The following CNTNAP3B variants were observed in gnomAD, a reference collection of about 807,000 sequenced individuals.
CNTNAP3B encodes the protein contactin associated protein family member 3B.
A neutral mutation model predicts 108.9 loss-of-function variants in CNTNAP3B; 25 were observed. That is an observed-to-expected ratio of 0.23 (90% CI 0.17 to 0.32). CNTNAP3B has a LOEUF of 0.32. Among genes scored for constraint, CNTNAP3B ranks in the 10% least tolerant of loss-of-function variants. The pLI is 1.00. For missense variants in CNTNAP3B, 252 were observed against 1,210.4 expected, an observed-to-expected ratio of 0.21 and a Z score of 11.75; for synonymous variants, 103 against 473.4, an observed-to-expected ratio of 0.22 and a Z score of 10.16.
chr9:42,016,697 G>A (rs1826221722), intron 3 of CNTNAP3B, among the ~76,000 whole-genome samples: 1 of 151,954 alleles, frequency 6.6e-6, no homozygotes, highest in Admixed American at 6.5e-5. Context: ...GCTCTGTGGA[G>A]AGTGAGAGTA....
chr9:42,113,072 A>G (rs1828229541), intron 1 of CNTNAP3B, among the ~76,000 whole-genome samples: 1 of 135,770 alleles, frequency 7.4e-6, no homozygotes, highest in African/African-American at 3.0e-5. Context: ...CATAAATTTA[A>G]GCATCTTAGT....
At chr9:42,055,539 A>G (rs1283666771) in intron 3 of CNTNAP3B, among the ~76,000 whole-genome samples, 1 of 138,768 alleles carries the variant, frequency 7.2e-6, no homozygotes, top group Non-Finnish European at 1.5e-5. Flanking sequence ...ATATGCATAT[A>G]TTACACTATG....
rs868137195 is a variant in CNTNAP3B at position 42,054,487 on chromosome 9, C to A, written c.390+22382G>T. Among the ~76,000 whole-genome samples, 21 of 151,862 alleles carry A rather than the reference C, an allele frequency of 1.4e-4. No individual in the cohort carries two copies. The East Asian group carries it at 2.3e-3, about 17-fold the overall frequency. On this transcript the variant is annotated intron_variant, in intron 3 of 23. Transcript: ENST00000377561. Reference sequence around the variant, plus strand: ...CCACATCCACCCTGCATTTTGTAATCGAAGGTGAGGAAGCTCACAGGTGTT... The same window carrying A: ...CCACATCCACCCTGCATTTTGTAATAGAAGGTGAGGAAGCTCACAGGTGTT...
intron 3 of CNTNAP3B, among the ~76,000 whole-genome samples, chr9:42,030,813 G>GGAGAGAGAGA (rs71274672): frequency 0.089 from 5,818 of 65,474 alleles, 808 homozygotes; most frequent in Non-Finnish European, 0.11. Flanking sequence ...GAGAGAGAGA[G>GGAGAGAGAGA]GAGAGAGAGA....
intron 3 of CNTNAP3B, among the ~76,000 whole-genome samples, chr9:42,047,782 T>C (rs1159070991): frequency 8.8e-5 from 10 of 114,008 alleles, no homozygotes; most frequent in South Asian, 3.0e-4. Flanking sequence ...CTCCCTCTCT[T>C]GGTTGGTTCT....
chr9:42,086,243 A>T, intron 2 of CNTNAP3B, among the ~76,000 whole-genome samples: 1 of 141,684 alleles, frequency 7.1e-6, no homozygotes, highest in Non-Finnish European at 1.5e-5. Flanking sequence ...TATGGGGGAA[A>T]CCGCCCCCAT....
chr9:42,087,577 A>G (rs1178028309), intron 2 of CNTNAP3B, among the ~76,000 whole-genome samples: 1 of 144,970 alleles, frequency 6.9e-6, no homozygotes, highest in African/African-American at 2.6e-5. Context: ...ACAGATACAA[A>G]TATGCTGAAA....
At chr9:42,084,066 T>C (rs1257970430) in intron 2 of CNTNAP3B, among the ~76,000 whole-genome samples, 1 of 148,354 alleles carries the variant, frequency 6.7e-6, no homozygotes, top group Non-Finnish European at 1.5e-5. Flanking sequence ...TCACAGAAAA[T>C]ATCAGAAAGA....
chr9:42,030,130 C>A (rs1352083938), intron 3 of CNTNAP3B, among the ~76,000 whole-genome samples: 1 of 83,598 alleles, frequency 1.2e-5, no homozygotes, highest in Non-Finnish European at 2.2e-5. Context: ...GGCGACAGAG[C>A]GAGACTCTGT....
chr9:41,961,351 GTAA>G (rs1424637487), intron 11 of CNTNAP3B, among the ~76,000 whole-genome samples: 1 of 152,308 alleles, frequency 6.6e-6, no homozygotes, highest in African/African-American at 2.4e-5. Flanking sequence ...GAAGCACAGT[GTAA>G]AACACTTGAA....
rs1433837005 is a variant in CNTNAP3B at position 42,042,234 on chromosome 9, A to AT, written c.391-28710_391-28709insA. Reference sequence around the variant, plus strand: ...GTACCCTAGAACTTGAAGTATATATAAAAAAAAGATCTGCATAGTTTTGGA... The same window carrying AT: ...GTACCCTAGAACTTGAAGTATATATATAAAAAAAGATCTGCATAGTTTTGGA... On this transcript the variant is annotated intron_variant, in intron 3 of 23. Coordinates refer to ENST00000377561, the MANE Select transcript of CNTNAP3B (RefSeq NM_001201380.3). 4.7e-5 allele frequency among the ~76,000 whole-genome samples: 4 copies of AT among 84,756 alleles called. 2 individuals carry two copies. Among genetic ancestry groups the AT allele is most frequent in the Non-Finnish European group, 1.0e-4 (4 of 39,944 alleles). 55.6% of individuals were successfully genotyped at this position (84,756 alleles called of 152,430 possible).
At chr9:42,076,830 T>C in intron 3 of CNTNAP3B, 39 bp downstream of exon 3, 4 of 1,531,606 alleles carry the variant, frequency 2.6e-6, no homozygotes, top group Non-Finnish European at 3.5e-6. Flanking sequence ...CTAATAGGTT[T>C]GCAGCAATAG....
intron 13 of CNTNAP3B, among the ~76,000 whole-genome samples, chr9:41,938,827 A>T (rs1201712133): frequency 1.3e-5 from 2 of 152,300 alleles, no homozygotes; most frequent in Admixed American, 1.3e-4. Context: ...CTTTTTGCTA[A>T]CTACCTGTAT....
At chr9:42,014,568 A>C (rs374936766) in intron 3 of CNTNAP3B, among the ~76,000 whole-genome samples, 3,501 of 110,244 alleles carry the variant, frequency 0.032, 4 homozygotes, top group South Asian at 0.055. Flanking sequence ...AGTCGGACAG[A>C]TCACGAGGTC....
chr9:41,996,385 T>A (rs1416807287), intron 6 of CNTNAP3B, 37 bp from the exon 7 acceptor site: 3 of 1,338,544 alleles, frequency 2.2e-6, no homozygotes. Context: ...CATTGTTTAG[T>A]GATTTTCTGA....
chr9:41,973,109 T>TA, intron 9 of CNTNAP3B, among the ~76,000 whole-genome samples: 1 of 141,548 alleles, frequency 7.1e-6, no homozygotes, highest in Middle Eastern at 3.4e-3. Flanking sequence ...TGCTAATTTT[T>TA]TTTTTTTGTA....
chr9:41,921,742 G>C lies in CNTNAP3B; in HGVS notation c.2755+935C>G, dbSNP rs1303962871. On this transcript the variant is annotated intron_variant, in intron 17 of 23. Coordinates refer to ENST00000377561, the MANE Select transcript of CNTNAP3B (RefSeq NM_001201380.3). ...TTTAAATAAATGGAGTGCAAGAACA[G>C]ATGAGCCAGACCGGGTTATAAACAA... Among the ~76,000 whole-genome samples, 18 of 152,168 alleles carry C rather than the reference G, an allele frequency of 1.2e-4. No homozygotes were observed. In the South Asian group the frequency reaches 1.2e-3, roughly 11 times the overall value.
intron 15 of CNTNAP3B, among the ~76,000 whole-genome samples, chr9:41,927,091 GCA>G (rs1823841823): frequency 6.6e-6 from 1 of 152,256 alleles, no homozygotes; most frequent in Non-Finnish European, 1.5e-5. Context: ...AGATAAAACA[GCA>G]CAGAGAATGG....
chr9:41,952,420 AT>A (rs1407567430), intron 13 of CNTNAP3B, among the ~76,000 whole-genome samples: 7 of 152,372 alleles, frequency 4.6e-5, no homozygotes, highest in Admixed American at 6.5e-5. Flanking sequence ...AACTAAAAAA[AT>A]GAAAGGTAAA....
Sources: allele counts gnomAD v4.1 joint callset (sites outside exome capture counted in the v4.1 genomes callset), GRCh38; gene constraint gnomAD v4.1.1; transcripts MANE v1.5; gene names NCBI Gene and HGNC (gene_info 2026-07-23, HGNC 2026-07-21).